PRKAR2A: variants seen among roughly 807,000 people sequenced by gnomAD.
The protein encoded by PRKAR2A is cAMP-dependent protein kinase type II-alpha regulatory subunit.
Under a neutral mutation model 51.9 loss-of-function variants are expected in PRKAR2A, and 29 were observed. The observed-to-expected ratio is 0.56, with a 90% confidence interval of 0.42 to 0.76. PRKAR2A has a LOEUF of 0.76. PRKAR2A is among the 30% of genes least tolerant of loss of function. PRKAR2A has a pLI of 0.00. For synonymous variants in PRKAR2A, 178 were observed against 186.2 expected, an observed-to-expected ratio of 0.96 and a Z score of 0.36; for missense variants, 445 against 512.1, an observed-to-expected ratio of 0.87 and a Z score of 1.26.
chr3:48,815,922 G>A (rs1575922302), intron 1 of PRKAR2A, among the ~76,000 whole-genome samples: 2 of 150,450 alleles, frequency 1.3e-5, no homozygotes, highest in African/African-American at 4.9e-5. Context: ...AGGAGGCTGA[G>A]GCAGGAGAAT....
chr3:48,840,653 T>C (rs543949501), intron 1 of PRKAR2A, among the ~76,000 whole-genome samples: 2 of 123,744 alleles, frequency 1.6e-5, no homozygotes, highest in Non-Finnish European at 3.3e-5. Context: ...CTCGGCTCAC[T>C]GCAAGCTCTG....
At chr3:48,785,269 T>C (rs1244522168) in intron 4 of PRKAR2A, among the ~76,000 whole-genome samples, 1 of 150,322 alleles carries the variant, frequency 6.7e-6, no homozygotes, top group Non-Finnish European at 1.5e-5. Flanking sequence ...TTTTTTTTTT[T>C]TTTTTTTTTG....
At chr3:48,760,956 A>C (rs1427570913) in intron 8 of PRKAR2A, among the ~76,000 whole-genome samples, 1 of 151,958 alleles carries the variant, frequency 6.6e-6, no homozygotes, top group Non-Finnish European at 1.5e-5. Context: ...ACTGTACTGA[A>C]GCCTGAAAGA....
chr3:48,827,664 T>C (rs1434878030), intron 1 of PRKAR2A, among the ~76,000 whole-genome samples: 1 of 152,138 alleles, frequency 6.6e-6, no homozygotes, highest in African/African-American at 2.4e-5. Context: ...TTTACACTTG[T>C]GTATGGCACT....
Position 48,847,342 on chromosome 3 carries a change from G to A in PRKAR2A, c.255C>T (p.Asp85=), listed in dbSNP as rs780924964. 5.0e-6 allele frequency: 8 copies of A among 1,613,584 alleles called. No homozygotes were observed. In the South Asian group the frequency reaches 8.8e-5, roughly 18 times the overall value. The change falls in exon 1 of 11, where the codon GAC becomes GAT. Residue 85 remains aspartate, a synonymous_variant. Transcript: ENST00000265563. The surrounding 1 kb of genome is among the most constrained non-coding windows in gnomAD (Gnocchi z 4.4). ...GCCCCGCCCACAGCCTACCTTCCAA[G>A]TCCTCGTCCTCCTCCGACTCGCTGT... ...KGDSESEEDE[D]LEVPVPSRFN... is the part of the protein sequence containing the mutation.
intron 1 of PRKAR2A, among the ~76,000 whole-genome samples, chr3:48,820,751 T>C (rs2082947359): frequency 6.6e-6 from 1 of 151,998 alleles, no homozygotes; most frequent in South Asian, 2.1e-4. Context: ...AAAAGACAAG[T>C]AGCAGTTCAG....
At chr3:48,745,830 T>C (rs949275320), downstream of PRKAR2A, among the ~76,000 whole-genome samples, 1 of 152,160 alleles carries the variant, frequency 6.6e-6, no homozygotes, top group Non-Finnish European at 1.5e-5. Context: ...TGAGTCATCG[T>C]GCCCAGCCTG....
At position 48,813,406 on chromosome 3, in the gene PRKAR2A, A is replaced by T. The variant is rs529607470; in HGVS notation, c.263-5722T>A. ...CTACAGAGTAAGATCCTGTCTCTTT[A>T]AAAAAAAGGCTGGACATGGTGGCTC... is the stretch of plus-strand genomic sequence containing the variant. On this transcript the variant is annotated intron_variant, in intron 1 of 10. Transcript: ENST00000265563. 4.6e-5 allele frequency among the ~76,000 whole-genome samples: 6 copies of T among 130,036 alleles called. No homozygotes were observed. In the South Asian group the frequency reaches 1.4e-3, roughly 31 times the overall value. The allele number at this position is 130,036 out of a possible 152,430, so 85.3% of individuals were successfully genotyped here. A position where few individuals can be genotyped will look rare whatever the true frequency, so the allele number is the denominator to read the frequency against.
chr3:48,844,254 C>A (rs2083424893), intron 1 of PRKAR2A, among the ~76,000 whole-genome samples: 1 of 152,086 alleles, frequency 6.6e-6, no homozygotes, highest in Non-Finnish European at 1.5e-5. Flanking sequence ...CATCACTGGC[C>A]ATCAGAGAAA....
At chr3:48,833,855 G>A (rs1364733816) in intron 1 of PRKAR2A, among the ~76,000 whole-genome samples, 13 of 151,818 alleles carry the variant, frequency 8.6e-5, no homozygotes, top group Admixed American at 6.6e-4. Flanking sequence ...GGCCAACATG[G>A]TGAAACCCCT....
chr3:48,807,745 C>T (rs1278222946), intron 1 of PRKAR2A, 61 bp from the exon 2 acceptor site: 1 of 1,452,364 alleles, frequency 6.9e-7, no homozygotes, highest in South Asian at 1.2e-5. Flanking sequence ...TTTTTATCCT[C>T]CCTTTTTGCA....
intron 1 of PRKAR2A, among the ~76,000 whole-genome samples, chr3:48,811,730 C>A (rs151303803): frequency 5.9e-5 from 9 of 151,870 alleles, no homozygotes; most frequent in South Asian, 2.1e-4. Flanking sequence ...AGAGAGCTGC[C>A]GTGGGTGCAT....
chr3:48,807,969 C>T (rs2082700550), intron 1 of PRKAR2A, among the ~76,000 whole-genome samples: 1 of 152,036 alleles, frequency 6.6e-6, no homozygotes, highest in Non-Finnish European at 1.5e-5. Flanking sequence ...TTGTATCATT[C>T]CAATTGAATA....
chr3:48,758,175 T>C (rs2081802567), intron 8 of PRKAR2A, among the ~76,000 whole-genome samples: 1 of 151,316 alleles, frequency 6.6e-6, no homozygotes, highest in Admixed American at 6.6e-5. Flanking sequence ...CAAGAATCAC[T>C]TAAACCTGGG....
At chr3:48,816,596 C>A (rs1051696170) in intron 1 of PRKAR2A, among the ~76,000 whole-genome samples, 1 of 152,034 alleles carries the variant, frequency 6.6e-6, no homozygotes, top group Non-Finnish European at 1.5e-5. Context: ...CGAGATCGCA[C>A]CACTGCACTC....
In PRKAR2A at chr3:48,847,301, T is replaced by C. The variant is rs201797487; in HGVS notation, c.262+34A>G. 216 of 1,610,446 alleles carry C rather than the reference T, an allele frequency of 1.3e-4. No homozygotes were observed. Among genetic ancestry groups the C allele is most frequent in the Non-Finnish European group, 5.1e-6 (6 of 1,178,338 alleles). On this transcript the variant is annotated intron_variant, in intron 1 of 10. Transcript: ENST00000265563. This position sits in a 1 kb window ranked among gnomAD's most constrained non-coding sequence, Gnocchi z 4.4. ...CCCCTCTAGACCTCTGGAGACCTCC[T>C]GCACCACTCCCCAGGGCCCCGCCCA... is the stretch of plus-strand genomic sequence containing the variant.
intron 9 of PRKAR2A, among the ~76,000 whole-genome samples, chr3:48,754,976 T>G (rs2081735617): frequency 6.6e-6 from 1 of 150,436 alleles, no homozygotes. Flanking sequence ...GTAATATTCT[T>G]CTTTTTCCAT....
At position 48,793,954 on chromosome 3, in the gene PRKAR2A, G is replaced by A. The variant is rs146005538; in HGVS notation, c.351+43C>T. ...GTATGTAGAGAAGGGGAGTTAATGA[G>A]AAATAGAACAATTCTACCTAACATC... is the stretch of plus-strand genomic sequence containing the variant. On this transcript the variant is annotated intron_variant, in intron 3 of 10. Coordinates refer to ENST00000265563, the MANE Select transcript of PRKAR2A (RefSeq NM_004157.4). The A allele has an allele frequency of 4.3e-5, 64 of 1,484,544 alleles. 1 individual carries two copies. The African/African-American group carries it at 6.5e-4, about 15-fold the overall frequency. 92.0% of individuals were successfully genotyped at this position (1,484,544 alleles called of 1,614,324 possible).
chr3:48,786,535 T>C (rs1046341749), intron 4 of PRKAR2A, among the ~76,000 whole-genome samples: 6 of 149,914 alleles, frequency 4.0e-5, no homozygotes, highest in Non-Finnish European at 7.4e-5. Context: ...CGGTGGCTCA[T>C]GCCTGTAATC....
Sources: allele counts gnomAD v4.1 joint callset (sites outside exome capture counted in the v4.1 genomes callset), GRCh38; gene constraint gnomAD v4.1.1; non-coding constraint Gnocchi (gnomAD v3.1); transcripts MANE v1.5; gene names NCBI Gene and HGNC (gene_info 2026-07-23, HGNC 2026-07-21).